The following NADK2 variants were observed in gnomAD, a reference collection of about 807,000 sequenced individuals.
NADK2 encodes NAD kinase 2, mitochondrial, also known as NAD kinase domain-containing protein 1, mitochondrial.
NADK2 carries 35 observed loss-of-function variants against 62.1 expected under a neutral mutation model. The ratio of observed to expected loss-of-function variants is 0.56; its 90% CI spans 0.43 to 0.75. The LOEUF (loss-of-function observed/expected upper bound fraction) is 0.75, where lower values mean the gene tolerates loss of function less well. Among genes scored for constraint, NADK2 ranks in the 30% least tolerant of loss-of-function variants. The probability of loss-of-function intolerance (pLI) is 0.00; values close to 1 mark genes in which losing one functional copy is unlikely to be tolerated. For synonymous variants in NADK2, 205 were observed against 207.9 expected, an observed-to-expected ratio of 0.99 and a Z score of 0.12; for missense variants, 439 against 561.3, an observed-to-expected ratio of 0.78 and a Z score of 2.20.
rs1746866926 is a variant in NADK2 at position 36,212,002 on chromosome 5, A to C, written c.782-80T>G. The C allele has an allele frequency of 6.8e-6, 7 of 1,029,046 alleles. No homozygotes were observed. In the South Asian group the frequency reaches 9.9e-5, roughly 15 times the overall value. The allele number at this position is 1,029,046 out of a possible 1,614,324, so 63.7% of individuals were successfully genotyped here. ...TGTTATAAAAATTTTATAAAACACT[A>C]CAACTTTTATATTTTTGTTTTTAAA... On this transcript the variant is annotated intron_variant, in intron 6 of 11. Transcript: ENST00000381937.
chr5:36,242,216 C>G (rs1748172120), upstream of NADK2: 1 of 152,450 alleles, frequency 6.6e-6, no homozygotes, highest in African/African-American at 2.4e-5. Context: ...CGCGGCGGCT[C>G]CGGATCCGAG....
chr5:36,201,847 A>C (rs1746461585), intron 8 of NADK2, among the ~76,000 whole-genome samples: 1 of 152,064 alleles, frequency 6.6e-6, no homozygotes, highest in Admixed American at 6.6e-5. Context: ...TGCCTTGCTT[A>C]ACCACTAAAA....
chr5:36,201,073 G>C, intron 9 of NADK2, 33 bp downstream of exon 9: 1 of 1,596,934 alleles, frequency 6.3e-7, no homozygotes. Context: ...GCGGATAAGA[G>C]GGGACTACTC....
chr5:36,231,756 C>T (rs1471566127), intron 1 of NADK2, among the ~76,000 whole-genome samples: 1 of 152,146 alleles, frequency 6.6e-6, no homozygotes, highest in Non-Finnish European at 1.5e-5. Flanking sequence ...TTAAAACACT[C>T]CTTTAATCAG....
chr5:36,219,729 G>C (rs752945122), intron 4 of NADK2, 50 bp from the exon 5 acceptor site: 2 of 1,421,680 alleles, frequency 1.4e-6, no homozygotes, highest in South Asian at 2.5e-5. Context: ...AAAGAAAAAA[G>C]GTGAAGCAAA....
In NADK2 at chr5:36,197,733, T is replaced by C. The variant is rs562460609; in HGVS notation, c.1067-69A>G. Reference sequence around the variant, plus strand: ...CTTCTGAGAAGGGCAAAACAAAAAATAGATGCCATCCCCCATTTAAATTCT... The same window carrying C: ...CTTCTGAGAAGGGCAAAACAAAAAACAGATGCCATCCCCCATTTAAATTCT... On this transcript the variant is annotated intron_variant, in intron 10 of 11. Transcript: ENST00000381937. 238 of 1,275,926 alleles carry C rather than the reference T, an allele frequency of 1.9e-4. No homozygotes were observed. The African/African-American group carries it at 3.1e-3, about 17-fold the overall frequency. 79.0% of individuals were successfully genotyped at this position (1,275,926 alleles called of 1,614,324 possible).
At chr5:36,197,703 G>A in intron 10 of NADK2, 39 bp from the exon 11 acceptor site, 2 of 1,487,976 alleles carry the variant, frequency 1.3e-6, no homozygotes, top group East Asian at 2.4e-5. Context: ...AATAAAAGAT[G>A]GTCACTTCTG....
intron 1 of NADK2, among the ~76,000 whole-genome samples, chr5:36,231,166 C>A (rs1747695197): frequency 6.6e-6 from 1 of 152,090 alleles, no homozygotes; most frequent in Non-Finnish European, 1.5e-5. Context: ...TCTCGGCAAG[C>A]CCCAGGAAAA....
intron 6 of NADK2, 85 bp downstream of exon 6, chr5:36,217,663 T>TTAATCAC (rs201762282): frequency 7.1e-7 from 1 of 1,411,592 alleles, no homozygotes; most frequent in Non-Finnish European, 9.3e-7. Flanking sequence ...TAAAAACAAG[T>TTAATCAC]AAATTATTAC....
Position 36,217,825 on chromosome 5 carries a change from G to A in NADK2, c.704C>T (p.Pro235Leu). 6.2e-7 allele frequency: 1 copy of A among 1,613,922 alleles called. No individual in the cohort carries two copies. The highest frequency in any genetic ancestry group is 8.5e-7 in the Non-Finnish European group (1 of 1,179,908). Residue 235 changes from proline (P) to leucine (L), a missense_variant, in exon 6 of 12, where the codon CCT (proline) becomes CTT (leucine). Physicochemically the swap from Pro to Leu is moderately conservative, Grantham distance 98 (BLOSUM62 -3). Coordinates refer to ENST00000381937, the MANE Select transcript of NADK2 (RefSeq NM_001085411.3). ...TAGCTGCTGCTCGTGAAGGTCCACA[G>A]GTACAGGGTTTATGCCAGTCCCTTC... ...YLEGTGINPVPVDLHEQQLSL... is the reference protein window; with the variant it reads ...YLEGTGINPVLVDLHEQQLSL...
intron 4 of NADK2, among the ~76,000 whole-genome samples, chr5:36,223,860 C>A (rs1747371975): frequency 6.6e-6 from 1 of 151,830 alleles, no homozygotes; most frequent in Admixed American, 6.6e-5. Context: ...TTAAAATTTT[C>A]TTGAAAAACA....
chr5:36,195,913 G>A (rs1746214394), intron 11 of NADK2, among the ~76,000 whole-genome samples: 1 of 152,172 alleles, frequency 6.6e-6, no homozygotes, highest in Non-Finnish European at 1.5e-5. Context: ...GCACAGTGGT[G>A]CCTGTCTTTT....
intron 8 of NADK2, among the ~76,000 whole-genome samples, chr5:36,203,165 A>AACTTATGAAACTTTTTGGATTCT (rs796641562): frequency 1.3e-5 from 2 of 152,268 alleles, no homozygotes; most frequent in African/African-American, 4.8e-5. Context: ...AAAGTCAGTT[A>AACTTATGAAACTTTTTGGATTCT]ACTTATGAAA....
chr5:36,242,184 A>C (rs1039050414), upstream of NADK2: 1 of 152,670 alleles, frequency 6.6e-6, no homozygotes, highest in Non-Finnish European at 1.5e-5. Context: ...CCCCAGGCTA[A>C]CTCTATCGGC....
At position 36,241,408 on chromosome 5, in the gene NADK2, A is replaced by G; in HGVS notation, c.300+91T>C. 1 of 1,404,100 alleles carries G rather than the reference A, an allele frequency of 7.1e-7. No individual in the cohort carries two copies. The highest frequency in any genetic ancestry group is 9.2e-7 in the Non-Finnish European group (1 of 1,082,204). 87.0% of individuals were successfully genotyped at this position (1,404,100 alleles called of 1,614,324 possible). A position where few individuals can be genotyped will look rare whatever the true frequency, so the allele number is the denominator to read the frequency against. On this transcript the variant is annotated intron_variant, in intron 1 of 11. Coordinates refer to ENST00000381937, the MANE Select transcript of NADK2 (RefSeq NM_001085411.3). This position sits in a 1 kb window ranked among gnomAD's most constrained non-coding sequence, Gnocchi z 4.9. ...CCGGCATCTGCGGTGCCCTGGGAAGAGTCGTCCCGAGAGGTCCCCCCGAGG... is the reference window on the plus strand; with the variant it reads ...CCGGCATCTGCGGTGCCCTGGGAAGGGTCGTCCCGAGAGGTCCCCCCGAGG...
At chr5:36,228,510 C>T (rs149720353) in intron 1 of NADK2, among the ~76,000 whole-genome samples, 257 of 152,184 alleles carry the variant, frequency 1.7e-3, no homozygotes, top group African/African-American at 6.1e-3. Context: ...TAATGATTCT[C>T]CTGCCTCCGT....
chr5:36,241,252 A>C lies in NADK2; in HGVS notation c.300+247T>G. 2 of 619,264 alleles carry C rather than the reference A, an allele frequency of 3.2e-6. No homozygotes were observed. The highest frequency in any genetic ancestry group is 4.8e-5 in the Admixed American group (1 of 20,874). The allele number at this position is 619,264 out of a possible 1,614,324, so 38.4% of individuals were successfully genotyped here. A position where few individuals can be genotyped will look rare whatever the true frequency, so the allele number is the denominator to read the frequency against. On this transcript the variant is annotated intron_variant, in intron 1 of 11. Coordinates refer to ENST00000381937, the MANE Select transcript of NADK2 (RefSeq NM_001085411.3). This position sits in a 1 kb window ranked among gnomAD's most constrained non-coding sequence, Gnocchi z 4.9. ...CTCCCCGCGGCGCCCCTGCCTCCTA[A>C]GTCCCTGCATGAACCACTGTCCCTC...
chr5:36,214,102 C>T (rs1273790116), intron 6 of NADK2, among the ~76,000 whole-genome samples: 1 of 152,182 alleles, frequency 6.6e-6, no homozygotes, highest in Admixed American at 6.5e-5. Flanking sequence ...TACTAATTGA[C>T]TACTAAACCT....
At chr5:36,230,907 A>C (rs906804964) in intron 1 of NADK2, among the ~76,000 whole-genome samples, 1 of 152,228 alleles carries the variant, frequency 6.6e-6, no homozygotes, top group African/African-American at 2.4e-5. Context: ...GACAATGATA[A>C]CTAATTCAAA....
Sources: gnomAD v4.1 joint callset for allele counts (sites outside exome capture counted in the v4.1 genomes callset) on GRCh38, gnomAD v4.1.1 for gene constraint, Gnocchi (gnomAD v3.1) non-coding constraint, MANE v1.5 for transcripts, NCBI Gene and HGNC (gene_info 2026-07-23, HGNC 2026-07-21) for gene names.